Variants in SYNE1 observed in about 807,000 individuals in gnomAD.
SYNE1 encodes the protein nesprin-1.
SYNE1 carries 616 observed loss-of-function variants against 1,111.0 expected under a neutral mutation model. The ratio of observed to expected loss-of-function variants is 0.55; its 90% CI spans 0.52 to 0.59. The LOEUF (loss-of-function observed/expected upper bound fraction) is 0.59, where lower values mean the gene tolerates loss of function less well. Among genes scored for constraint, SYNE1 ranks in the 20% least tolerant of loss-of-function variants. The pLI, the probability that SYNE1 is intolerant of heterozygous loss-of-function variation, is 0.00. For synonymous variants in SYNE1, 3,855 were observed against 3,825.8 expected, an observed-to-expected ratio of 1.01 and a Z score of -0.28; for missense variants, 10,006 against 10,417.0, an observed-to-expected ratio of 0.96 and a Z score of 1.72.
Position 152,133,380 on chromosome 6 carries a change from C to G in SYNE1, c.25897G>C (p.Glu8633Gln). The G allele has an allele frequency of 6.2e-7, 1 of 1,614,174 alleles. No individual in the cohort carries two copies. Among genetic ancestry groups the G allele is most frequent in the African/African-American group, 1.3e-5 (1 of 75,042 alleles). ...AEGTDCLEAK[E>Q]KVHVIGNRLK... is the part of the protein sequence containing the mutation. ...CGATTTCCAATAACATGGACTTTTTCTTTGGCTTCTAAACAGTCTGTTCCT... is the reference window on the plus strand; with the variant it reads ...CGATTTCCAATAACATGGACTTTTTGTTTGGCTTCTAAACAGTCTGTTCCT... The change falls in exon 143 of 146, where the codon GAA (glutamate) becomes CAA (glutamine). Residue 8633 changes from glutamate (E) to glutamine (Q), a missense_variant. Physicochemically the swap from Glu to Gln is conservative, Grantham distance 29. Around this residue, in one of 7 missense-constraint regions of SYNE1, gnomAD observed 761 missense variants for 795.5 expected, o/e 0.96. Coordinates refer to ENST00000367255, the MANE Select transcript of SYNE1 (RefSeq NM_182961.4).
intron 63 of SYNE1, among the ~76,000 whole-genome samples, chr6:152,363,433 G>T (rs990827625): frequency 1.3e-5 from 2 of 150,884 alleles, no homozygotes; most frequent in East Asian, 2.0e-4. Context: ...GGCGGAGCTC[G>T]CAGTGAGCCG....
chr6:152,425,645 G>A, intron 38 of SYNE1, 98 bp from the exon 39 acceptor site: 1 of 1,398,372 alleles, frequency 7.2e-7, no homozygotes, highest in Non-Finnish European at 1.0e-6. Context: ...TCGCATTCTT[G>A]CAAAATGCAA....
chr6:152,460,784 A>G (rs1363610270), intron 21 of SYNE1, among the ~76,000 whole-genome samples: 3 of 132,200 alleles, frequency 2.3e-5, no homozygotes, highest in Non-Finnish European at 4.8e-5. Context: ...CAGAAAAGGT[A>G]TAAATGTATA....
intron 130 of SYNE1, among the ~76,000 whole-genome samples, chr6:152,169,784 C>G (rs546225104): frequency 1.3e-5 from 2 of 149,980 alleles, no homozygotes; most frequent in African/African-American, 4.9e-5. Context: ...TGGGTGACAG[C>G]GCAAACCCAA....
rs112067413 is a variant in SYNE1 at position 152,586,988 on chromosome 6, C to A, written c.67+41277G>T. ...AAATCGGTCTGTATTAGAACATTCT[C>A]CACATCTACAATGGCTTCCCATGGG... On this transcript the variant is annotated intron_variant, in intron 3 of 145. Coordinates refer to ENST00000367255, the MANE Select transcript of SYNE1 (RefSeq NM_182961.4). Among the ~76,000 whole-genome samples, 9 of 152,206 alleles carry A rather than the reference C, an allele frequency of 5.9e-5. 1 individual carries two copies. Among genetic ancestry groups the A allele is most frequent in the African/African-American group, 2.2e-4 (9 of 41,538 alleles).
intron 84 of SYNE1, among the ~76,000 whole-genome samples, chr6:152,320,835 C>A (rs918704033): frequency 1.3e-5 from 2 of 152,074 alleles, no homozygotes; most frequent in Non-Finnish European, 1.5e-5. Context: ...ATTTTTATTT[C>A]TTTGATTTTT....
chr6:152,217,107 T>C (rs2078917903), intron 121 of SYNE1, among the ~76,000 whole-genome samples: 1 of 126,718 alleles, frequency 7.9e-6, no homozygotes, highest in Non-Finnish European at 1.7e-5. Context: ...TTTTTTTTTT[T>C]TTTTTTTAAA....
chr6:152,213,907 AAAG>A, intron 122 of SYNE1, 148 bp from the exon 123 acceptor site: 1 of 424,248 alleles, frequency 2.4e-6, no homozygotes. Context: ...TTATTTTAAA[AAAG>A]AAGAAAGAGG....
chr6:152,156,486 C>T (rs988449049), intron 131 of SYNE1, among the ~76,000 whole-genome samples: 1 of 152,174 alleles, frequency 6.6e-6, no homozygotes, highest in East Asian at 1.9e-4. Context: ...GACCTTCCCT[C>T]GGACACCAAA....
chr6:152,245,631 CA>C (rs1230507280), intron 105 of SYNE1, among the ~76,000 whole-genome samples: 5 of 152,130 alleles, frequency 3.3e-5, no homozygotes, highest in African/African-American at 1.2e-4. Context: ...AGCTAGAAGT[CA>C]AAAGAATACA....
At chr6:152,359,488 C>A (rs1250367080) in intron 64 of SYNE1, 30 bp from the exon 65 acceptor site, 18 of 1,613,798 alleles carry the variant, frequency 1.1e-5, no homozygotes, top group Non-Finnish European at 1.5e-5. Context: ...AATAAAGTGG[C>A]CATTCATGCA....
chr6:152,154,772 C>A, intron 133 of SYNE1, 120 bp downstream of exon 133: 1 of 1,142,312 alleles, frequency 8.8e-7, no homozygotes, highest in South Asian at 1.3e-5. Flanking sequence ...GCAAAGTCCT[C>A]ACGCAGCAAT....
intron 29 of SYNE1, among the ~76,000 whole-genome samples, chr6:152,447,155 A>T (rs924247681): frequency 3.3e-5 from 5 of 152,190 alleles, no homozygotes; most frequent in Non-Finnish European, 7.4e-5. Flanking sequence ...TCCATGATTT[A>T]TCTTAAGCTG....
At position 152,333,997 on chromosome 6, in the gene SYNE1, A is replaced by C. The variant is rs1401608781; in HGVS notation, c.12794+11T>G. 6.2e-7 allele frequency: 1 copy of C among 1,613,950 alleles called. No homozygotes were observed. Among genetic ancestry groups the C allele is most frequent in the Non-Finnish European group, 8.5e-7 (1 of 1,179,998 alleles). On this transcript the variant is annotated intron_variant, in intron 77 of 145. Coordinates refer to ENST00000367255, the MANE Select transcript of SYNE1 (RefSeq NM_182961.4). ...TAGCATTTTGGTGACCCATGGGAGA[A>C]TTTCTGTTACCTGGCCAAGTTATCC...
Position 152,331,844 on chromosome 6 carries a change from A to C in SYNE1, c.12841T>G (p.Leu4281Val). 6.2e-7 allele frequency: 1 copy of C among 1,613,828 alleles called. No individual in the cohort carries two copies. The highest frequency in any genetic ancestry group is 1.1e-5 in the South Asian group (1 of 91,086). The change falls in exon 78 of 146, where the codon TTA (leucine) becomes GTA (valine). Residue 4281 changes from leucine (L) to valine (V), a missense_variant. Physicochemically the swap from Leu to Val is conservative, Grantham distance 32. Transcript: ENST00000367255. ...TTTCTCTCCTGCAATGCCAATGCTA[A>C]CTTTTTCAAAGCTTCCAGGTGGACA... is the stretch of plus-strand genomic sequence containing the variant. ...TAVHLEALKK[L>V]ALALQERKYA... is the part of the protein sequence containing the mutation.
Position 152,433,883 on chromosome 6 carries a change from A to G in SYNE1, c.4373T>C (p.Leu1458Pro), listed in dbSNP as rs2154210873. The change falls in exon 34 of 146, where the codon CTG (leucine) becomes CCG (proline). Residue 1458 changes from leucine to proline, a missense_variant. Transcript: ENST00000367255. ...TTCTTTCTCAGTTATCCAGACGGAC[A>G]GAGTCTCAAAATTACTGCCAAAATG... ...WDHFGSNFET[L>P]SVWITEKEKE... 6.2e-7 allele frequency: 1 copy of G among 1,613,834 alleles called. No homozygotes were observed. Among genetic ancestry groups the G allele is most frequent in the Non-Finnish European group, 8.5e-7 (1 of 1,179,800 alleles).
chr6:152,123,564 G>A (rs915961892), intron 145 of SYNE1, among the ~76,000 whole-genome samples: 1 of 152,206 alleles, frequency 6.6e-6, no homozygotes. Context: ...TAGATTCTGA[G>A]TTGGGTGCTA....
chr6:152,367,261 G>A lies in SYNE1; in HGVS notation c.9929C>T (p.Thr3310Ile). ...GCTGTCCAGCACACTTTTGTCGGAT[G>A]TCGGGTGGCAGTATGAATCCAGCAT... ...IHMLDSYCHP[T>I]SDKSVLDSRT... is the part of the protein sequence containing the mutation. Residue 3310 changes from threonine to isoleucine, a missense_variant, in exon 62 of 146, where the codon ACA (threonine) becomes ATA (isoleucine). Thr to Ile is a moderately conservative substitution (Grantham distance 89, BLOSUM62 -1). This residue lies in a region of SYNE1 where 4,955 missense variants were observed against 5,017.2 expected (regional missense o/e 0.99). Coordinates refer to ENST00000367255, the MANE Select transcript of SYNE1 (RefSeq NM_182961.4). The A allele has an allele frequency of 6.2e-7, 1 of 1,614,250 alleles. No homozygotes were observed. The highest frequency in any genetic ancestry group is 8.5e-7 in the Non-Finnish European group (1 of 1,180,046).
chr6:152,311,944 T>C (rs1256360103), intron 87 of SYNE1, among the ~76,000 whole-genome samples: 3 of 151,046 alleles, frequency 2.0e-5, no homozygotes, highest in Non-Finnish European at 4.4e-5. Flanking sequence ...CCACCACGCC[T>C]GGCTAATTTT....
Sources: allele counts gnomAD v4.1 joint callset (sites outside exome capture counted in the v4.1 genomes callset), GRCh38; gene constraint gnomAD v4.1.1; regional missense constraint gnomAD v4.1.1; transcripts MANE v1.5; gene names NCBI Gene and HGNC (gene_info 2026-07-23, HGNC 2026-07-21).